FNBP1: variants seen among roughly 807,000 people sequenced by gnomAD.
FNBP1 encodes the protein formin binding protein 1.
In FNBP1, 26 loss-of-function variants were observed where a neutral mutation model predicts 90.6. The observed-to-expected ratio is 0.29, with a 90% CI of 0.21 to 0.40. The LOEUF is 0.40. Among genes scored for constraint, FNBP1 ranks in the 10% least tolerant of loss-of-function variants. The probability of loss-of-function intolerance (pLI) is 1.00; values close to 1 mark genes in which losing one functional copy is unlikely to be tolerated. For synonymous variants in FNBP1, 260 were observed against 265.2 expected (o/e 0.98, Z 0.19); for missense variants, 635 against 768.0 (o/e 0.83, Z 2.05).
chr9:129,914,755 G>GTGTATGTATATA (rs71499203), intron 11 of FNBP1, among the ~76,000 whole-genome samples: 10 of 98,436 alleles, frequency 1.0e-4, no homozygotes, highest in East Asian at 7.7e-4. Context: ...ACATACATAT[G>GTGTATGTATATA]TCTATATATA....
rs969779702 is a variant in FNBP1 at position 129,889,089 on chromosome 9, G to C, written c.*1450C>G. 175 of 216,072 alleles carry C rather than the reference G, an allele frequency of 8.1e-4. 3 individuals carry two copies. Among genetic ancestry groups the C allele is most frequent in the African/African-American group, 2.8e-3 (123 of 44,400 alleles). The allele number at this position is 216,072 out of a possible 1,614,324, so 13.4% of individuals were successfully genotyped here. ...TCTGCTCTAAGGCGTGGCGGGGGGG[G>C]GGGGTGGTGGCCACAGATTAGGGGA... On this transcript the variant is annotated 3_prime_UTR_variant, in exon 17 of 17. Transcript: ENST00000446176.
chr9:129,914,938 T>C (rs761542126), intron 11 of FNBP1: 1 of 464,414 alleles, frequency 2.2e-6, no homozygotes, highest in South Asian at 1.6e-5. Flanking sequence ...GAAACTATTA[T>C]ACATATTTGA....
At chr9:130,033,884 C>T (rs533839964) in intron 1 of FNBP1, among the ~76,000 whole-genome samples, 4 of 146,374 alleles carry the variant, frequency 2.7e-5, no homozygotes, top group South Asian at 2.2e-4. Context: ...GTCATGGTGG[C>T]GGGTGCCTGT....
chr9:130,004,108 A>G (rs2055291408), intron 1 of FNBP1, among the ~76,000 whole-genome samples: 1 of 151,474 alleles, frequency 6.6e-6, no homozygotes, highest in African/African-American at 2.4e-5. Flanking sequence ...TAAAAAGTGT[A>G]CTAAACCGGC....
At chr9:129,893,310 A>T (rs1446954290) in intron 16 of FNBP1, among the ~76,000 whole-genome samples, 1 of 151,970 alleles carries the variant, frequency 6.6e-6, no homozygotes, top group Non-Finnish European at 1.5e-5. Context: ...AAAAGTATCC[A>T]AAAGAAATTT....
rs540286322 is a variant in FNBP1, at chr9:130,028,170, G to A, written c.24+14782C>T. 3.3e-5 allele frequency among the ~76,000 whole-genome samples: 5 copies of A among 152,322 alleles called. 1 individual carries two copies. In the South Asian group the frequency reaches 1.0e-3, roughly 32 times the overall value. On this transcript the variant is annotated intron_variant, in intron 1 of 16. Transcript: ENST00000446176. ...TCCCTTCTCACCCACTCAGTGGGAG[G>A]AGTCTTGAGATCACATTGTAAGATG...
chr9:129,920,358 G>A (rs1411390174), intron 10 of FNBP1, among the ~76,000 whole-genome samples: 2 of 152,074 alleles, frequency 1.3e-5, no homozygotes, highest in Non-Finnish European at 2.9e-5. Flanking sequence ...CTGGAATGCA[G>A]TGGCATGATC....
chr9:129,979,192 A>G (rs1038925891), intron 3 of FNBP1, 126 bp downstream of exon 3: 7 of 585,948 alleles, frequency 1.2e-5, no homozygotes, highest in South Asian at 5.2e-5. Flanking sequence ...CTCTCCTCCA[A>G]TTTAAAAACT....
At chr9:130,025,574 C>A (rs932243653) in intron 1 of FNBP1, among the ~76,000 whole-genome samples, 3 of 152,180 alleles carry the variant, frequency 2.0e-5, no homozygotes, top group African/African-American at 2.4e-5. Flanking sequence ...TCATTGATCA[C>A]GTCCACAATA....
intron 12 of FNBP1, among the ~76,000 whole-genome samples, chr9:129,905,142 CA>C (rs975693210): frequency 1.1e-4 from 17 of 151,806 alleles, no homozygotes; most frequent in African/African-American, 3.9e-4. Flanking sequence ...TATTTCTCAG[CA>C]AAAGCCCTCA....
chr9:129,987,162 G>C (rs994555763), intron 2 of FNBP1, among the ~76,000 whole-genome samples: 2 of 152,060 alleles, frequency 1.3e-5, no homozygotes, highest in African/African-American at 4.8e-5. Flanking sequence ...AGTGTGACCA[G>C]AGACAACCAA....
At chr9:129,958,942 C>A (rs887732681) in intron 4 of FNBP1, among the ~76,000 whole-genome samples, 4 of 124,318 alleles carry the variant, frequency 3.2e-5, no homozygotes, top group Non-Finnish European at 6.3e-5. Context: ...GCTGTGATTG[C>A]ACCACTGCAC....
intron 2 of FNBP1, among the ~76,000 whole-genome samples, chr9:129,989,460 T>C (rs1589108582): frequency 6.6e-6 from 1 of 152,280 alleles, no homozygotes; most frequent in South Asian, 2.1e-4. Flanking sequence ...GCCTGTACCC[T>C]ACCGATTCAC....
intron 11 of FNBP1, among the ~76,000 whole-genome samples, chr9:129,910,818 A>C (rs1036542057): frequency 6.7e-6 from 1 of 148,642 alleles, no homozygotes; most frequent in African/African-American, 2.5e-5. Context: ...TCAAAGACAC[A>C]CCCATCAGAC....
intron 4 of FNBP1, among the ~76,000 whole-genome samples, chr9:129,963,968 G>A (rs1261571289): frequency 6.6e-6 from 1 of 151,978 alleles, no homozygotes; most frequent in East Asian, 1.9e-4. Flanking sequence ...CATAACATAC[G>A]AAAAACTATC....
At chr9:129,916,627 C>CAAAAAAAAAAAAAAAAA (rs932208320) in intron 10 of FNBP1, among the ~76,000 whole-genome samples, 1 of 141,332 alleles carries the variant, frequency 7.1e-6, no homozygotes, top group African/African-American at 2.6e-5. Context: ...AAAAAAAAAA[C>CAAAAAAAAAAAAAAAAA]AAAAAAAAAA....
At chr9:129,943,258 G>A (rs2044607363) in intron 6 of FNBP1, among the ~76,000 whole-genome samples, 1 of 152,144 alleles carries the variant, frequency 6.6e-6, no homozygotes, top group Non-Finnish European at 1.5e-5. Context: ...AGGAGCAACT[G>A]CTGAGCTCCT....
rs532888791 is a variant in FNBP1 at position 130,031,810 on chromosome 9, C to T, written c.24+11142G>A. Among the ~76,000 whole-genome samples, 48 of 152,026 alleles carry T rather than the reference C, an allele frequency of 3.2e-4. No individual in the cohort carries two copies. The highest frequency in any genetic ancestry group is 1.1e-3 in the African/African-American group (45 of 41,498). ...CCGAGTAGCTGGGATTACAGGCGAGCGCCATCATGCCTGGCTAAGTTTTTT... is the reference window on the plus strand; with the variant it reads ...CCGAGTAGCTGGGATTACAGGCGAGTGCCATCATGCCTGGCTAAGTTTTTT... On this transcript the variant is annotated intron_variant, in intron 1 of 16. Coordinates refer to ENST00000446176, the MANE Select transcript of FNBP1 (RefSeq NM_015033.3). This position sits in a 1 kb window ranked among gnomAD's most constrained non-coding sequence, Gnocchi z 4.2.
intron 12 of FNBP1, among the ~76,000 whole-genome samples, chr9:129,908,311 C>T (rs1292859352): frequency 6.7e-6 from 1 of 150,202 alleles, no homozygotes; most frequent in African/African-American, 2.5e-5. Flanking sequence ...TCAGGTGATC[C>T]TTCCACTTCA....
Sources: gnomAD v4.1 joint callset for allele counts (sites outside exome capture counted in the v4.1 genomes callset) on GRCh38, gnomAD v4.1.1 for gene constraint, Gnocchi (gnomAD v3.1) non-coding constraint, MANE v1.5 for transcripts, NCBI Gene and HGNC (gene_info 2026-07-23, HGNC 2026-07-21) for gene names.